VPS13B: variants seen among roughly 807,000 people sequenced by gnomAD.
VPS13B encodes vacuolar protein sorting 13 homolog B.
VPS13B carries 285 observed loss-of-function variants against 426.4 expected under a neutral mutation model. That is an observed-to-expected ratio of 0.67 (90% CI 0.61 to 0.74). The LOEUF is 0.74. Ranked by LOEUF, VPS13B falls within the 30% of genes least tolerant of loss-of-function variation. VPS13B has a pLI of 0.00. For synonymous variants in VPS13B, 1,676 were observed against 1,676.4 expected, an observed-to-expected ratio of 1.00 and a Z score of 0.01; for missense variants, 4,537 against 4,782.6, an observed-to-expected ratio of 0.95 and a Z score of 1.51.
chr8:99,525,450 A>G (rs552643375), intron 30 of VPS13B, among the ~76,000 whole-genome samples: 45 of 152,336 alleles, frequency 3.0e-4, no homozygotes, highest in Admixed American at 1.6e-3. Flanking sequence ...CATAGGGAGT[A>G]GTTCATTCCT....
Position 99,835,235 on chromosome 8 carries a change from C to T in VPS13B, c.9653C>T (p.Thr3218Ile), listed in dbSNP as rs1815324266. The change falls in exon 53 of 62, where the codon ACT (threonine) becomes ATT (isoleucine). Residue 3218 changes from threonine (T) to isoleucine (I), a missense_variant. By Grantham distance (89) the Thr-to-Ile change is moderately conservative. Transcript: ENST00000357162. Reference protein sequence around the residue: ...VLTYQEHLGVTYLTLSEDPSP... With the variant: ...VLTYQEHLGVIYLTLSEDPSP... Reference sequence around the variant, plus strand: ...ACATATCAAGAACACCTCGGAGTGACTTATTTAACCCTCTCAGAAGACCCT... The same window carrying T: ...ACATATCAAGAACACCTCGGAGTGATTTATTTAACCCTCTCAGAAGACCCT... The T allele has an allele frequency of 6.2e-7, 1 of 1,613,820 alleles. No homozygotes were observed. The highest frequency in any genetic ancestry group is 1.1e-5 in the South Asian group (1 of 91,070).
chr8:99,322,820 A>T (rs890172903), intron 19 of VPS13B, among the ~76,000 whole-genome samples: 1 of 152,264 alleles, frequency 6.6e-6, no homozygotes, highest in African/African-American at 2.4e-5. Flanking sequence ...AGAAACAAAG[A>T]CACAAGGAAA....
chr8:99,467,214 G>C (rs1368733175), intron 23 of VPS13B, among the ~76,000 whole-genome samples, 200 bp from the exon 24 acceptor site: 1 of 151,972 alleles, frequency 6.6e-6, no homozygotes, highest in East Asian at 1.9e-4. Context: ...TTAATGTACG[G>C]TTTATAGTGT....
intron 34 of VPS13B, among the ~76,000 whole-genome samples, chr8:99,651,188 C>G (rs943389188): frequency 6.6e-6 from 1 of 152,040 alleles, no homozygotes. Flanking sequence ...TAAGTGGAAT[C>G]TATACCTACA....
chr8:99,677,209 C>T (rs564007938), intron 35 of VPS13B, among the ~76,000 whole-genome samples: 1 of 152,288 alleles, frequency 6.6e-6, no homozygotes, highest in East Asian at 1.9e-4. Context: ...ATCCTCTGCC[C>T]CTTCTCTCTT....
chr8:99,743,013 T>G (rs1809839183), intron 39 of VPS13B, among the ~76,000 whole-genome samples: 1 of 152,068 alleles, frequency 6.6e-6, no homozygotes, highest in African/African-American at 2.4e-5. Flanking sequence ...GGGTATTCAA[T>G]TAGGAAAAGA....
At chr8:99,715,541 G>A (rs1832881779) in intron 36 of VPS13B, among the ~76,000 whole-genome samples, 1 of 152,202 alleles carries the variant, frequency 6.6e-6, no homozygotes. Flanking sequence ...CAATCTGGGT[G>A]CCTAAAGAGA....
intron 8 of VPS13B, among the ~76,000 whole-genome samples, chr8:99,129,922 G>C (rs1161343444): frequency 2.0e-5 from 3 of 152,128 alleles, no homozygotes; most frequent in Admixed American, 2.0e-4. Flanking sequence ...AAGCTGAAGT[G>C]GGAGGATTGC....
intron 19 of VPS13B, among the ~76,000 whole-genome samples, chr8:99,367,289 G>A (rs1812943437): frequency 6.6e-6 from 1 of 152,132 alleles, no homozygotes. Context: ...AGGGTAAAAG[G>A]TTTTTCCCTT....
chr8:99,378,088 A>AC (rs1242716293), intron 19 of VPS13B, among the ~76,000 whole-genome samples: 3 of 144,222 alleles, frequency 2.1e-5, no homozygotes, highest in African/African-American at 5.2e-5. Context: ...TTCATCCCTT[A>AC]CCTGCAACTG....
At chr8:99,062,488 G>T (rs1844245202) in intron 3 of VPS13B, among the ~76,000 whole-genome samples, 1 of 151,866 alleles carries the variant, frequency 6.6e-6, no homozygotes, top group Non-Finnish European at 1.5e-5. Context: ...TTTTTTTTGA[G>T]GCAGAGTTTC....
At chr8:99,615,864 T>C (rs912207487) in intron 33 of VPS13B, among the ~76,000 whole-genome samples, 5 of 152,236 alleles carry the variant, frequency 3.3e-5, no homozygotes, top group Admixed American at 3.3e-4. Context: ...AAAGTCCAAC[T>C]TTCTTTCAAA....
intron 17 of VPS13B, among the ~76,000 whole-genome samples, chr8:99,212,286 C>T (rs1815135992): frequency 6.6e-6 from 1 of 152,192 alleles, no homozygotes; most frequent in Non-Finnish European, 1.5e-5. Flanking sequence ...CACCTCTCTC[C>T]TTCTATACTG....
chr8:99,192,549 A>G (rs1046663299), intron 16 of VPS13B, among the ~76,000 whole-genome samples: 1 of 152,230 alleles, frequency 6.6e-6, no homozygotes, highest in African/African-American at 2.4e-5. Context: ...GTTTGCTAGT[A>G]AATCCTTTCT....
intron 6 of VPS13B, 147 bp from the exon 7 acceptor site, chr8:99,115,553 A>C: frequency 3.7e-6 from 3 of 813,214 alleles, no homozygotes; most frequent in Non-Finnish European, 3.8e-6. Flanking sequence ...AAGATCTTAG[A>C]GTAAGTATTG....
chr8:99,675,603 C>G (rs1830901479), intron 35 of VPS13B, among the ~76,000 whole-genome samples: 1 of 152,072 alleles, frequency 6.6e-6, no homozygotes. Context: ...CCTTTTGATG[C>G]TGTCCCATGA....
chr8:99,839,217 A>C (rs1452922919), intron 54 of VPS13B, among the ~76,000 whole-genome samples: 1 of 152,208 alleles, frequency 6.6e-6, no homozygotes, highest in Non-Finnish European at 1.5e-5. Context: ...CTTAGCAGAC[A>C]TTCGTAGTCG....
At chr8:99,055,082 G>A (rs1165231025) in intron 3 of VPS13B, among the ~76,000 whole-genome samples, 4 of 145,904 alleles carry the variant, frequency 2.7e-5, no homozygotes, top group Non-Finnish European at 6.0e-5. Context: ...CTGTTCCACA[G>A]GCTGGCATGC....
In VPS13B at chr8:99,627,541, G is replaced by A. The variant is rs183327687; in HGVS notation, c.5221-14270G>A. ...TGAGATTACAGGGGCACACCACCAC[G>A]CCCAGCTAATTTTTGTATTTTTGGT... On this transcript the variant is annotated intron_variant, in intron 33 of 61. Coordinates refer to ENST00000357162, the MANE Select transcript of VPS13B (RefSeq NM_152564.5). Among the ~76,000 whole-genome samples, 5 of 152,100 alleles carry A rather than the reference G, an allele frequency of 3.3e-5. No homozygotes were observed. In the East Asian group the frequency reaches 7.8e-4, roughly 24 times the overall value.
Sources: gnomAD v4.1 joint callset for allele counts (sites outside exome capture counted in the v4.1 genomes callset) on GRCh38, gnomAD v4.1.1 for gene constraint, MANE v1.5 for transcripts, NCBI Gene and HGNC (gene_info 2026-07-23, HGNC 2026-07-21) for gene names.